The following SLC9C1 variants were observed in gnomAD, a reference collection of about 807,000 sequenced individuals.
SLC9C1 encodes the protein sodium/hydrogen exchanger 10.
A neutral mutation model predicts 140.9 loss-of-function variants in SLC9C1; 97 were observed. The observed-to-expected ratio is 0.69, with a 90% CI of 0.58 to 0.82. The LOEUF is 0.82. SLC9C1 is among the 40% of genes least tolerant of loss of function. The pLI, the probability that SLC9C1 is intolerant of heterozygous loss-of-function variation, is 0.00. For missense variants in SLC9C1, 1,340 were observed against 1,389.3 expected (o/e 0.96, Z 0.56); for synonymous variants, 440 against 442.6 (o/e 0.99, Z 0.07).
chr3:112,242,949 A>T (rs1006278482), intron 11 of SLC9C1, among the ~76,000 whole-genome samples: 2 of 152,200 alleles, frequency 1.3e-5, no homozygotes, highest in African/African-American at 2.4e-5. Flanking sequence ...AAGAAATGCA[A>T]ATCAAAATCA....
chr3:112,260,796 C>G (rs1343635950), intron 10 of SLC9C1, among the ~76,000 whole-genome samples: 1 of 152,092 alleles, frequency 6.6e-6, no homozygotes, highest in Non-Finnish European at 1.5e-5. Flanking sequence ...GCTGTGTGGC[C>G]TTTACAATAT....
At chr3:112,182,300 GT>G in intron 20 of SLC9C1, 42 bp from the exon 21 acceptor site, 1 of 1,568,580 alleles carries the variant, frequency 6.4e-7, no homozygotes, top group Non-Finnish European at 8.6e-7. Flanking sequence ...CCAAACTGCT[GT>G]TCCCAGAATG....
chr3:112,279,940 T>A (rs2080314293), intron 3 of SLC9C1, among the ~76,000 whole-genome samples: 1 of 152,206 alleles, frequency 6.6e-6, no homozygotes, highest in African/African-American at 2.4e-5. Context: ...CCTTCATGGG[T>A]CTTAACATTG....
intron 13 of SLC9C1, among the ~76,000 whole-genome samples, chr3:112,227,565 G>T (rs1425294819): frequency 6.6e-6 from 1 of 152,042 alleles, no homozygotes; most frequent in African/African-American, 2.4e-5. Flanking sequence ...CAATAAAGTA[G>T]ATATACAAGG....
At chr3:112,206,612 G>A (rs1283958932) in intron 16 of SLC9C1, among the ~76,000 whole-genome samples, 1 of 152,154 alleles carries the variant, frequency 6.6e-6, no homozygotes. Context: ...ATCAATGATA[G>A]ACTGGATTAA....
chr3:112,202,551 T>C (rs1466527232), intron 17 of SLC9C1, 152 bp from the exon 18 acceptor site: 2 of 711,770 alleles, frequency 2.8e-6, no homozygotes, highest in Admixed American at 6.5e-5. Context: ...ATTTTTTTAG[T>C]GGTATCTTTA....
chr3:112,156,184 A>G (rs551190601), intron 26 of SLC9C1, among the ~76,000 whole-genome samples: 8 of 152,238 alleles, frequency 5.3e-5, no homozygotes, highest in African/African-American at 1.4e-4. Context: ...TTTGATAACT[A>G]TCATGGTACT....
intron 26 of SLC9C1, among the ~76,000 whole-genome samples, chr3:112,156,495 C>A (rs555362152): frequency 6.6e-6 from 1 of 152,140 alleles, no homozygotes; most frequent in South Asian, 2.1e-4. Flanking sequence ...GTGAAGACAT[C>A]GCTTCAACAT....
At chr3:112,151,606 G>C in intron 28 of SLC9C1, 1 of 524,716 alleles carries the variant, frequency 1.9e-6, no homozygotes, top group Non-Finnish European at 3.6e-6. Context: ...TTGCATGTGA[G>C]ATTAAGTGGC....
At chr3:112,271,390 A>T (rs2080068666) in intron 6 of SLC9C1, among the ~76,000 whole-genome samples, 1 of 50,784 alleles carries the variant, frequency 2.0e-5, no homozygotes, top group East Asian at 1.1e-3. Context: ...ATCATTCTAC[A>T]TTGTATATAT....
At chr3:112,212,653 A>T (rs760684691) in intron 15 of SLC9C1, among the ~76,000 whole-genome samples, 1 of 152,244 alleles carries the variant, frequency 6.6e-6, no homozygotes, top group Non-Finnish European at 1.5e-5. Context: ...AGAAGTTTAG[A>T]GAAAAAAGAG....
chr3:112,176,176 C>G (rs1045428150), intron 23 of SLC9C1, among the ~76,000 whole-genome samples: 4 of 152,168 alleles, frequency 2.6e-5, no homozygotes, highest in African/African-American at 9.7e-5. Context: ...TGGAGGGTTG[C>G]AAAGATCCAT....
intron 2 of SLC9C1, among the ~76,000 whole-genome samples, chr3:112,286,226 A>G (rs1212236189): frequency 6.6e-6 from 1 of 152,238 alleles, no homozygotes; most frequent in Admixed American, 6.5e-5. Context: ...AAGTAATATC[A>G]TAACATTTGC....
chr3:112,157,965 G>A (rs557931827), intron 26 of SLC9C1, among the ~76,000 whole-genome samples: 7 of 151,806 alleles, frequency 4.6e-5, no homozygotes, highest in African/African-American at 1.7e-4. Context: ...ATCTGCAAAC[G>A]AGAATACTTT....
intron 16 of SLC9C1, 23 bp downstream of exon 16, chr3:112,208,155 T>A (rs2078107636): frequency 6.4e-7 from 1 of 1,552,380 alleles, no homozygotes; most frequent in Non-Finnish European, 8.7e-7. Context: ...AACACTTCCA[T>A]ACACACATAA....
At chr3:112,216,215 T>C (rs2078363385) in intron 15 of SLC9C1, among the ~76,000 whole-genome samples, 1 of 152,278 alleles carries the variant, frequency 6.6e-6, no homozygotes, top group South Asian at 2.1e-4. Context: ...TCAAGATGGA[T>C]TAAAGACTTA....
chr3:112,145,532 T>G (rs1385032206), intron 28 of SLC9C1, among the ~76,000 whole-genome samples: 1 of 151,298 alleles, frequency 6.6e-6, no homozygotes, highest in Non-Finnish European at 1.5e-5. Flanking sequence ...GTAGAATTAG[T>G]ACTAGCTCTT....
chr3:112,269,923 A>G lies in SLC9C1; in HGVS notation c.768T>C (p.Phe256=). The G allele has an allele frequency of 6.5e-7, 1 of 1,529,828 alleles. No homozygotes were observed. The highest frequency in any genetic ancestry group is 8.7e-7 in the Non-Finnish European group (1 of 1,143,834). The allele number at this position is 1,529,828 out of a possible 1,614,324, so 94.8% of individuals were successfully genotyped here. A position where few individuals can be genotyped will look rare whatever the true frequency, so the allele number is the denominator to read the frequency against. ...SLIFSILYLI[F]YICELVGMSG... ...CATAGGCCCCTCACTTACAAATATA[A>G]AAGATGAGATACAGAATTGAAAAGA... The change falls in exon 7 of 29, where the codon TTT becomes TTC. Residue 256 remains phenylalanine (F), a synonymous_variant. Coordinates refer to ENST00000305815, the MANE Select transcript of SLC9C1 (RefSeq NM_183061.3).
At chr3:112,199,545 T>G (rs2077853220) in intron 19 of SLC9C1, 76 bp from the exon 20 acceptor site, 22 of 1,265,342 alleles carry the variant, frequency 1.7e-5, no homozygotes, top group Non-Finnish European at 2.3e-5. Context: ...TAAGCTAAGT[T>G]TCTGTTCTAA....
Sources: allele counts gnomAD v4.1 joint callset (sites outside exome capture counted in the v4.1 genomes callset), GRCh38; gene constraint gnomAD v4.1.1; transcripts MANE v1.5; gene names NCBI Gene and HGNC (gene_info 2026-07-23, HGNC 2026-07-21).